Variants in SH3TC1 observed in about 807,000 individuals in gnomAD.
SH3TC1 encodes SH3 domain and tetratricopeptide repeat-containing protein 1.
In SH3TC1, 135 loss-of-function variants were observed where a neutral mutation model predicts 117.3. The observed-to-expected ratio is 1.15, with a 90% confidence interval of 1.00 to 1.33. The LOEUF is 1.33. Among genes scored for constraint, SH3TC1 ranks in the 40% most tolerant of loss-of-function variants. The probability of loss-of-function intolerance (pLI) is 0.00; values close to 1 mark genes in which losing one functional copy is unlikely to be tolerated. For synonymous variants in SH3TC1, 898 were observed against 816.9 expected, an observed-to-expected ratio of 1.10 and a Z score of -1.69; for missense variants, 2,092 against 1,794.3, an observed-to-expected ratio of 1.17 and a Z score of -3.00.
At chr4:8,201,876 G>T (rs550576149) in intron 1 of SH3TC1, among the ~76,000 whole-genome samples, 1 of 152,252 alleles carries the variant, frequency 6.6e-6, no homozygotes, top group South Asian at 2.1e-4. Flanking sequence ...GGTGTCCCGG[G>T]CATCAGCCAG....
At chr4:8,202,412 G>A (rs1717898205) in intron 1 of SH3TC1, among the ~76,000 whole-genome samples, 1 of 152,224 alleles carries the variant, frequency 6.6e-6, no homozygotes, top group African/African-American at 2.4e-5. Context: ...CCTTTGGAAA[G>A]CAAGTCTCAT....
rs1048197546 is a variant in SH3TC1, at chr4:8,203,913, G to A, written c.-28-1254G>A. 1.2e-4 allele frequency among the ~76,000 whole-genome samples: 18 copies of A among 152,320 alleles called. No homozygotes were observed. In the South Asian group the frequency reaches 3.5e-3, roughly 30 times the overall value. On this transcript the variant is annotated intron_variant, in intron 1 of 17. Coordinates refer to ENST00000245105, the MANE Select transcript of SH3TC1 (RefSeq NM_018986.5). ...CCACGTTCCCCGCCCAGAGAGCAGG[G>A]TGGAAGTGGGAGATGGGGATAAGGA... is the stretch of plus-strand genomic sequence containing the variant.
chr4:8,229,003 G>A (rs1251650205), intron 12 of SH3TC1: 4 of 241,484 alleles, frequency 1.7e-5, no homozygotes, highest in Non-Finnish European at 2.4e-5. Context: ...GCCCCTCCAT[G>A]AGCCAGGCCC....
chr4:8,205,225 G>A lies in SH3TC1; in HGVS notation c.31G>A (p.Glu11Lys), dbSNP rs1404328916. Residue 11 changes from glutamate (E) to lysine (K), a missense_variant, in exon 2 of 18, where the codon GAG becomes AAG. Coordinates refer to ENST00000245105, the MANE Select transcript of SH3TC1 (RefSeq NM_018986.5). The surrounding 1 kb of genome is among the most constrained non-coding windows in gnomAD (Gnocchi z 5.4). MENLPAVTTE[E>K]PTPMGRGPVG... ...GAACCTCCCTGCCGTGACCACTGAG[G>A]AGCCGACCCCCATGGGGAGGGGTCC... is the stretch of plus-strand genomic sequence containing the variant. 6.5e-6 allele frequency: 10 copies of A among 1,547,734 alleles called. No homozygotes were observed. Among genetic ancestry groups the A allele is most frequent in the Non-Finnish European group, 8.7e-6 (10 of 1,146,292 alleles).
intron 3 of SH3TC1, among the ~76,000 whole-genome samples, chr4:8,211,682 G>A (rs1451690633): frequency 6.6e-6 from 1 of 151,620 alleles, no homozygotes; most frequent in Non-Finnish European, 1.5e-5. Flanking sequence ...TCCAGGCACT[G>A]GGAAGGGATA....
At position 8,225,066 on chromosome 4, in the gene SH3TC1, C is replaced by T; in HGVS notation, c.1244-109C>T. 1 of 1,337,878 alleles carries T rather than the reference C, an allele frequency of 7.5e-7. No individual in the cohort carries two copies. The highest frequency in any genetic ancestry group is 1.1e-6 in the Non-Finnish European group (1 of 951,724). The allele number at this position is 1,337,878 out of a possible 1,614,324, so 82.9% of individuals were successfully genotyped here. A position where few individuals can be genotyped will look rare whatever the true frequency, so the allele number is the denominator to read the frequency against. ...CCTGCAACATCTCAGCCCTCAATACCTGCACCCAGCAATGCTCTCACCCTG... is the reference window on the plus strand; with the variant it reads ...CCTGCAACATCTCAGCCCTCAATACTTGCACCCAGCAATGCTCTCACCCTG... On this transcript the variant is annotated intron_variant, in intron 10 of 17. Coordinates refer to ENST00000245105, the MANE Select transcript of SH3TC1 (RefSeq NM_018986.5). The surrounding 1 kb of genome is among the most constrained non-coding windows in gnomAD (Gnocchi z 5.5).
Position 8,222,913 on chromosome 4 carries a change from G to A in SH3TC1, c.1186G>A (p.Ala396Thr), listed in dbSNP as rs749964742. ...FSEGCFSEED[A>T]RQLLRRMSGT... is the part of the protein sequence containing the mutation. Reference sequence around the variant, plus strand: ...CGAGGGCTGCTTTTCTGAGGAGGATGCCAGGCAGTTGCTGAGGCGGATGTC... The same window carrying A: ...CGAGGGCTGCTTTTCTGAGGAGGATACCAGGCAGTTGCTGAGGCGGATGTC... The change falls in exon 10 of 18, where the codon GCC (alanine) becomes ACC (threonine). Residue 396 changes from alanine (A) to threonine (T), a missense_variant. Transcript: ENST00000245105. 5 of 1,613,500 alleles carry A rather than the reference G, an allele frequency of 3.1e-6. No homozygotes were observed. In the Admixed American group the frequency reaches 6.7e-5, roughly 22 times the overall value.
At chr4:8,229,754 T>C (rs375030059) in intron 12 of SH3TC1, among the ~76,000 whole-genome samples, 1 of 151,908 alleles carries the variant, frequency 6.6e-6, no homozygotes. Flanking sequence ...ATTCTCTGAC[T>C]GCAAGGAGAC....
chr4:8,217,096 G>C lies in SH3TC1; in HGVS notation c.768G>C (p.Pro256=), dbSNP rs753472577. The change falls in exon 7 of 18, where the codon CCG becomes CCC. Residue 256 remains proline (P), a synonymous_variant. Transcript: ENST00000245105. ...CGGCCCCGGAAACAGACTCTTCACC[G>C]CCGAGCCCCAGCGTGTCCTCCGAGG... The part of the protein sequence containing the change: ...GEAAPETDSS[P]PSPSVSSEEV... The C allele has an allele frequency of 9.9e-6, 16 of 1,613,094 alleles. No homozygotes were observed. The highest frequency in any genetic ancestry group is 1.4e-5 in the Non-Finnish European group (16 of 1,179,748).
chr4:8,235,084 A>G (rs1049701261), intron 14 of SH3TC1, among the ~76,000 whole-genome samples: 9 of 152,238 alleles, frequency 5.9e-5, no homozygotes, highest in Non-Finnish European at 1.3e-4. Flanking sequence ...GAGCTGTGGC[A>G]GGGATGTGGC....
rs1239032598 is a variant in SH3TC1, at chr4:8,231,881, G to A, written c.2951-95G>A. The stretch of plus-strand genomic sequence containing the variant: ...CTGTGGGGCCCAGGCTCACAGAGGT[G>A]TGAAAGAGGCAAGCACACCGCAGGG... On this transcript the variant is annotated intron_variant, in intron 12 of 17. Coordinates refer to ENST00000245105, the MANE Select transcript of SH3TC1 (RefSeq NM_018986.5). 7.6e-6 allele frequency: 11 copies of A among 1,440,038 alleles called. No homozygotes were observed. The Admixed American group carries it at 1.1e-4, about 15-fold the overall frequency. The allele number at this position is 1,440,038 out of a possible 1,614,324, so 89.2% of individuals were successfully genotyped here. A position where few individuals can be genotyped will look rare whatever the true frequency, so the allele number is the denominator to read the frequency against.
chr4:8,203,046 T>G (rs912411748), intron 1 of SH3TC1, among the ~76,000 whole-genome samples: 5 of 152,184 alleles, frequency 3.3e-5, no homozygotes, highest in Non-Finnish European at 5.9e-5. Flanking sequence ...CACCCACTCG[T>G]CCCTGTCTGC....
intron 3 of SH3TC1, among the ~76,000 whole-genome samples, chr4:8,211,762 T>C (rs1405245748): frequency 1.3e-5 from 2 of 151,740 alleles, no homozygotes; most frequent in African/African-American, 4.9e-5. Context: ...ACCTCAGACA[T>C]TGAGGAGGGG....
Position 8,219,429 on chromosome 4 carries a change from G to A in SH3TC1, c.1011G>A (p.Ala337=), listed in dbSNP as rs73079753. The change falls in exon 9 of 18, where the codon GCG becomes GCA. Residue 337 remains alanine (A), a synonymous_variant. Transcript: ENST00000245105. ...GCGACCTCATCGAGATCCTTGGGGC[G>A]CAGGTGCCCAGCCTGCCCTGGTGCG... is the stretch of plus-strand genomic sequence containing the variant. ...RGGDLIEILG[A]QVPSLPWCVG... 2.2e-4 allele frequency: 349 copies of A among 1,611,376 alleles called. 3 individuals carry two copies. In the African/African-American group the frequency reaches 4.2e-3, roughly 19 times the overall value.
intron 9 of SH3TC1, among the ~76,000 whole-genome samples, chr4:8,221,324 C>T (rs1719899544): frequency 6.6e-6 from 1 of 152,208 alleles, no homozygotes; most frequent in Admixed American, 6.5e-5. Context: ...GCCATTAGTC[C>T]TGTTCACAGC....
intron 3 of SH3TC1, among the ~76,000 whole-genome samples, chr4:8,211,706 A>T (rs955370760): frequency 2.6e-5 from 4 of 151,682 alleles, no homozygotes; most frequent in Non-Finnish European, 4.4e-5. Context: ...CATAGGGCAG[A>T]TGGGGTCACA....
intron 10 of SH3TC1, chr4:8,224,576 A>C (rs1439477820): frequency 6.5e-6 from 1 of 153,234 alleles, no homozygotes. Context: ...GACGCTGTCC[A>C]CATCTCCACA....
rs1718513635 is a variant in SH3TC1, at chr4:8,209,988, AG to A, written c.247+168del. On this transcript the variant is annotated intron_variant, in intron 3 of 17. Coordinates refer to ENST00000245105, the MANE Select transcript of SH3TC1 (RefSeq NM_018986.5). The surrounding 1 kb of genome is among the most constrained non-coding windows in gnomAD (Gnocchi z 5.9). ...AAGGGTTTGTTAAATGCGCATGCCC[AG>A]GTCCTGCACCCAGAGGGGGACATGG... Among the ~76,000 whole-genome samples, 12 of 152,226 alleles carry A rather than the reference AG, an allele frequency of 7.9e-5. No individual in the cohort carries two copies. Among genetic ancestry groups the A allele is most frequent in the Admixed American group, 7.8e-4 (12 of 15,290 alleles).
rs960973632 is a variant in SH3TC1, at chr4:8,192,549, C to T, written c.-57+10339C>T. Among the ~76,000 whole-genome samples the T allele has an allele frequency of 6.6e-6, 1 of 150,962 alleles. No individual in the cohort carries two copies. The highest frequency in any genetic ancestry group is 2.0e-4 in the East Asian group (1 of 5,128). On this transcript the variant is annotated intron_variant, in intron 1 of 16. Coordinates refer to the SH3TC1 transcript ENST00000508641. This position sits in a 1 kb window ranked among gnomAD's most constrained non-coding sequence, Gnocchi z 4.1. ...CACTCTGTTGCCCAGGCTGGAGTGC[C>T]GTGGCATGATCTCAGCTCACTGCAA...
Sources: gnomAD v4.1 joint callset for allele counts (sites outside exome capture counted in the v4.1 genomes callset) on GRCh38, gnomAD v4.1.1 for gene constraint, Gnocchi (gnomAD v3.1) non-coding constraint, MANE v1.5 for transcripts, NCBI Gene and HGNC (gene_info 2026-07-23, HGNC 2026-07-21) for gene names.